Variants in ZNF292 observed in about 807,000 individuals in gnomAD.
The protein encoded by ZNF292 is zinc finger protein 292.
A neutral mutation model predicts 217.9 loss-of-function variants in ZNF292; 26 were observed. That is an observed-to-expected ratio of 0.12 (90% CI 0.09 to 0.17). The LOEUF (loss-of-function observed/expected upper bound fraction) is 0.17. Among genes scored for constraint, ZNF292 ranks in the 10% least tolerant of loss-of-function variants. The probability of loss-of-function intolerance (pLI) is 1.00; values close to 1 mark genes in which losing one functional copy is unlikely to be tolerated. For synonymous variants in ZNF292, 1,257 were observed against 1,124.1 expected, an observed-to-expected ratio of 1.12 and a Z score of -2.37; for missense variants, 2,904 against 3,175.2, an observed-to-expected ratio of 0.91 and a Z score of 2.05.
At position 87,224,580 on chromosome 6, in the gene ZNF292, T is replaced by C. The variant is rs78605866; in HGVS notation, c.538+5849T>C. ...ATGTCACGTAATTAAAGCTTTTCAT[T>C]CAAGCTTCTTTCACATAGCATTGTA... On this transcript the variant is annotated intron_variant, in intron 4 of 7. Transcript: ENST00000369577. Among the ~76,000 whole-genome samples, 730 of 152,346 alleles carry C rather than the reference T, an allele frequency of 4.8e-3. 3 individuals carry two copies. Among genetic ancestry groups the C allele is most frequent in the African/African-American group, 0.017 (700 of 41,578 alleles).
At position 87,260,650 on chromosome 6, in the gene ZNF292, T is replaced by A. The variant is rs1270393952; in HGVS notation, c.7021T>A (p.Leu2341Ile). The change falls in exon 8 of 8, where the codon TTA becomes ATA. Residue 2341 changes from leucine (L) to isoleucine (I), a missense_variant. By Grantham distance (5) the Leu-to-Ile change is conservative. Transcript: ENST00000369577. ...GACCAAACGAAAGAAAAAAAATAAT[T>A]TAGAAAACAAGAATGCAAAGATTGT... is the stretch of plus-strand genomic sequence containing the variant. ...PKTKRKKKNN[L>I]ENKNAKIVQI... 3 of 1,611,956 alleles carry A rather than the reference T, an allele frequency of 1.9e-6. No individual in the cohort carries two copies. The highest frequency in any genetic ancestry group is 1.3e-5 in the African/African-American group (1 of 74,628).
Position 87,259,826 on chromosome 6 carries a change from A to G in ZNF292, c.6197A>G (p.Gln2066Arg). 1 of 1,612,386 alleles carries G rather than the reference A, an allele frequency of 6.2e-7. No homozygotes were observed. Among genetic ancestry groups the G allele is most frequent in the African/African-American group, 1.3e-5 (1 of 74,968 alleles). Residue 2066 changes from glutamine (Q) to arginine (R), a missense_variant, in exon 8 of 8, where the codon CAA (glutamine) becomes CGA (arginine). Gln to Arg is a conservative substitution (Grantham distance 43). This residue lies in a region of ZNF292 where 261 missense variants were observed against 272.8 expected (regional missense o/e 0.96). Coordinates refer to ENST00000369577, the MANE Select transcript of ZNF292 (RefSeq NM_015021.3). ...SLQVITVTSE[Q>R]CNTNALTNTQ... ...CAAGTGATTACAGTTACTTCAGAAC[A>G]ATGTAATACAAATGCACTCACAAAC...
At chr6:87,155,994 C>T (rs1025483141) in intron 1 of ZNF292, among the ~76,000 whole-genome samples, 3 of 152,270 alleles carry the variant, frequency 2.0e-5, no homozygotes, top group Non-Finnish European at 4.4e-5. Flanking sequence ...AAAATCCCCC[C>T]TCCCCTTTCC....
chr6:87,203,200 G>A (rs1006425318), intron 1 of ZNF292, among the ~76,000 whole-genome samples: 3 of 148,310 alleles, frequency 2.0e-5, no homozygotes, highest in Admixed American at 6.8e-5. Context: ...GAGTGCAGTG[G>A]CATGATCATG....
intron 1 of ZNF292, among the ~76,000 whole-genome samples, chr6:87,179,416 C>T (rs1771401320): frequency 1.3e-5 from 2 of 152,084 alleles, no homozygotes; most frequent in African/African-American, 4.8e-5. Flanking sequence ...CCGCATCAGC[C>T]TCCCAAAGTG....
chr6:87,257,054 C>T lies in ZNF292; in HGVS notation c.3425C>T (p.Ala1142Val). ...CGCAAAAGTAAAAAAGGTCAGAAAG[C>T]TAACAACTTAAATACACCAAATAAT... ...MQRKSKKGQK[A>V]NNLNTPNNGK... Residue 1142 changes from alanine to valine, a missense_variant, in exon 8 of 8, where the codon GCT becomes GTT. Ala to Val is a moderately conservative substitution (Grantham distance 64). Coordinates refer to ENST00000369577, the MANE Select transcript of ZNF292 (RefSeq NM_015021.3). 1 of 1,613,828 alleles carries T rather than the reference C, an allele frequency of 6.2e-7. No individual in the cohort carries two copies. The highest frequency in any genetic ancestry group is 8.5e-7 in the Non-Finnish European group (1 of 1,179,838).
intron 1 of ZNF292, among the ~76,000 whole-genome samples, chr6:87,177,118 A>G (rs1450635450): frequency 1.3e-5 from 2 of 152,176 alleles, no homozygotes; most frequent in African/African-American, 2.4e-5. Flanking sequence ...ACCTGAGGTC[A>G]GGAGTTCAAG....
In ZNF292 at chr6:87,259,397, A is replaced by G. The variant is rs1489623743; in HGVS notation, c.5768A>G (p.Tyr1923Cys). Residue 1923 changes from tyrosine (Y) to cysteine (C), a missense_variant, in exon 8 of 8, where the codon TAT (tyrosine) becomes TGT (cysteine). Around this residue, in one of 15 missense-constraint regions of ZNF292, gnomAD observed 50 missense variants for 90.5 expected, o/e 0.55. Coordinates refer to ENST00000369577, the MANE Select transcript of ZNF292 (RefSeq NM_015021.3). Reference protein sequence around the residue: ...AMTKDALFKHYGKIHQYTPEM... With the variant: ...AMTKDALFKHCGKIHQYTPEM... The stretch of plus-strand genomic sequence containing the variant: ...ACAAAGGATGCACTATTTAAGCACT[A>G]TGGTAAAATTCATCAATACACTCCA... 1.1e-5 allele frequency: 17 copies of G among 1,609,042 alleles called. No individual in the cohort carries two copies. The highest frequency in any genetic ancestry group is 1.4e-5 in the Non-Finnish European group (16 of 1,177,246).
Position 87,255,387 on chromosome 6 carries a change from T to C in ZNF292, c.1758T>C (p.Pro586=). The stretch of plus-strand genomic sequence containing the variant: ...TTAATTCTAAAGAAACTTTTGTCCC[T>C]CATGTCACACTGCATGTTAAACAAT... ...KNFNSKETFV[P]HVTLHVKQSS... is the part of the protein sequence containing the mutation. The change falls in exon 8 of 8, where the codon CCT becomes CCC. Residue 586 remains proline (P), a synonymous_variant. Transcript: ENST00000369577. The C allele has an allele frequency of 6.2e-7, 1 of 1,613,770 alleles. No individual in the cohort carries two copies. Among genetic ancestry groups the C allele is most frequent in the South Asian group, 1.1e-5 (1 of 91,070 alleles).
intron 5 of ZNF292, among the ~76,000 whole-genome samples, chr6:87,235,407 T>C (rs1039463608): frequency 1.1e-4 from 17 of 151,876 alleles, no homozygotes; most frequent in Admixed American, 3.9e-4. Context: ...TGTATAAGCA[T>C]TGGGGGGGAT....
At chr6:87,240,974 C>T (rs943821676) in intron 5 of ZNF292, among the ~76,000 whole-genome samples, 1 of 152,164 alleles carries the variant, frequency 6.6e-6, no homozygotes, top group African/African-American at 2.4e-5. Context: ...ACGCTTAGGC[C>T]TTCTTTCTTT....
chr6:87,258,916 A>G lies in ZNF292; in HGVS notation c.5287A>G (p.Lys1763Glu), dbSNP rs1032779258. 6.2e-7 allele frequency: 1 copy of G among 1,608,750 alleles called. No individual in the cohort carries two copies. Among genetic ancestry groups the G allele is most frequent in the Admixed American group, 1.7e-5 (1 of 59,102 alleles). The change falls in exon 8 of 8, where the codon AAA becomes GAA. Residue 1763 changes from lysine (K) to glutamate (E), a missense_variant. Physicochemically the swap from Lys to Glu is moderately conservative, Grantham distance 56. Coordinates refer to ENST00000369577, the MANE Select transcript of ZNF292 (RefSeq NM_015021.3). Reference protein sequence around the residue: ...QNFEKTLEIIKTAMNSQILEV... With the variant: ...QNFEKTLEIIETAMNSQILEV... ...CTTTGAAAAGACTCTTGAAATTATT[A>G]AAACTGCTATGAATTCTCAAATACT...
chr6:87,260,524 C>G lies in ZNF292; in HGVS notation c.6895C>G (p.Gln2299Glu). 6.2e-7 allele frequency: 1 copy of G among 1,613,082 alleles called. No individual in the cohort carries two copies. The highest frequency in any genetic ancestry group is 8.5e-7 in the Non-Finnish European group (1 of 1,179,530). Reference protein sequence around the residue: ...LIRPRRLTPGQENMSSKANQE... With the variant: ...LIRPRRLTPGEENMSSKANQE... ...TCGTCCAAGAAGATTAACACCAGGC[C>G]AGGAAAATATGTCAAGCAAGGCAAA... is the stretch of plus-strand genomic sequence containing the variant. The change falls in exon 8 of 8, where the codon CAG becomes GAG. Residue 2299 changes from glutamine (Q) to glutamate (E), a missense_variant. Gln to Glu is a conservative substitution (Grantham distance 29). Coordinates refer to ENST00000369577, the MANE Select transcript of ZNF292 (RefSeq NM_015021.3).
chr6:87,169,455 A>G (rs1278834575), intron 1 of ZNF292, among the ~76,000 whole-genome samples: 2 of 152,096 alleles, frequency 1.3e-5, no homozygotes, highest in Admixed American at 6.6e-5. Context: ...CTCATTGCAG[A>G]CAGTGTTATA....
At chr6:87,166,785 CT>C (rs1381179754) in intron 1 of ZNF292, among the ~76,000 whole-genome samples, 1 of 152,002 alleles carries the variant, frequency 6.6e-6, no homozygotes, top group Non-Finnish European at 1.5e-5. Flanking sequence ...CATTTGTTGC[CT>C]TTTGTTTCTA....
chr6:87,215,204 T>C (rs954535028), intron 1 of ZNF292: 17 of 152,164 alleles, frequency 1.1e-4, no homozygotes, highest in African/African-American at 4.1e-4. Context: ...CCATCTCTTA[T>C]TCAGTAAGAT....
At chr6:87,180,804 C>T (rs529266367) in intron 1 of ZNF292, among the ~76,000 whole-genome samples, 9 of 152,326 alleles carry the variant, frequency 5.9e-5, no homozygotes, top group East Asian at 1.9e-4. Context: ...TGGATACCCT[C>T]ACTCAGCCCT....
Position 87,257,449 on chromosome 6 carries a change from C to T in ZNF292, c.3820C>T (p.Leu1274Phe). 2 of 1,613,444 alleles carry T rather than the reference C, an allele frequency of 1.2e-6. No homozygotes were observed. Among genetic ancestry groups the T allele is most frequent in the Non-Finnish European group, 1.7e-6 (2 of 1,179,708 alleles). ...ACCTGCAGAAAGTAGTTCAATGTCTCTCTTCCCTTCACCAGCAGATAGTGG... is the reference window on the plus strand; with the variant it reads ...ACCTGCAGAAAGTAGTTCAATGTCTTTCTTCCCTTCACCAGCAGATAGTGG... ...PLPAESSSMS[L>F]FPSPADSGTN... Residue 1274 changes from leucine (L) to phenylalanine (F), a missense_variant, in exon 8 of 8, where the codon CTC becomes TTC. Transcript: ENST00000369577.
intron 1 of ZNF292, among the ~76,000 whole-genome samples, chr6:87,185,771 C>CT (rs766169387): frequency 3.6e-4 from 55 of 152,122 alleles, no homozygotes; most frequent in Non-Finnish European, 7.1e-4. Flanking sequence ...GCCCAGCCCT[C>CT]TATTTTTCTT....
Sources: gnomAD v4.1 joint callset for allele counts (sites outside exome capture counted in the v4.1 genomes callset) on GRCh38, gnomAD v4.1.1 for gene constraint, gnomAD v4.1.1 regional missense constraint, MANE v1.5 for transcripts, NCBI Gene and HGNC (gene_info 2026-07-23, HGNC 2026-07-21) for gene names.